Variants in CCNH observed in about 807,000 individuals in gnomAD.
CCNH encodes the protein cyclin-H.
In CCNH, 31 loss-of-function variants were observed where a neutral mutation model predicts 41.9. That is an observed-to-expected ratio of 0.74 (90% CI 0.56 to 1.00). CCNH has a LOEUF of 1.00. CCNH is among the 50% of genes least tolerant of loss of function. CCNH has a pLI of 0.00. For missense variants in CCNH, 362 were observed against 388.4 expected (o/e 0.93, Z 0.57); for synonymous variants, 138 against 136.1 (o/e 1.01, Z -0.10).
At chr5:87,349,127 T>C in intron 9 of CCNH, 1 of 1,469,172 alleles carries the variant, frequency 6.8e-7, no homozygotes, top group Non-Finnish European at 9.4e-7. Flanking sequence ...TGTTTATGAC[T>C]TTGAATGCAC....
At chr5:87,400,245 T>G (rs1328223216) in intron 6 of CCNH, among the ~76,000 whole-genome samples, 1 of 152,216 alleles carries the variant, frequency 6.6e-6, no homozygotes, top group Admixed American at 6.5e-5. Context: ...CAAAGCAGTA[T>G]TTTTAACTGA....
Position 87,376,410 on chromosome 5 carries a change from T to C in CCNH, n.771A>G, listed in dbSNP as rs905211143. 2 of 1,613,898 alleles carry C rather than the reference T, an allele frequency of 1.2e-6. No individual in the cohort carries two copies. The highest frequency in any genetic ancestry group is 2.7e-5 in the African/African-American group (2 of 74,942). ...TTCCCAAGTATTTATGCGCTGCCAGTTGAGCCGATTACAGAAAGGGCATGC... is the reference window on the plus strand; with the variant it reads ...TTCCCAAGTATTTATGCGCTGCCAGCTGAGCCGATTACAGAAAGGGCATGC... On this transcript the variant is annotated non_coding_transcript_exon_variant, in exon 1 of 1. Transcript: ENST00000607486.
chr5:87,395,541 A>C (rs1762891007), intron 7 of CCNH, among the ~76,000 whole-genome samples: 1 of 152,164 alleles, frequency 6.6e-6, no homozygotes, highest in African/African-American at 2.4e-5. Context: ...GTGTGATAAG[A>C]AGTGTTTCAA....
chr5:87,390,078 T>TA (rs1382273715), downstream of CCNH, among the ~76,000 whole-genome samples: 1 of 152,204 alleles, frequency 6.6e-6, no homozygotes, highest in Non-Finnish European at 1.5e-5. Context: ...ACTACATTGA[T>TA]AGACTTCTAT....
chr5:87,396,417 T>A (rs1482762102), intron 7 of CCNH, among the ~76,000 whole-genome samples: 1 of 152,094 alleles, frequency 6.6e-6, no homozygotes, highest in African/African-American at 2.4e-5. Context: ...GTCAGGAGCT[T>A]GAGACCATCC....
chr5:87,342,520 C>T (rs947920071), intron 9 of CCNH, among the ~76,000 whole-genome samples: 6 of 152,082 alleles, frequency 3.9e-5, no homozygotes, highest in African/African-American at 1.4e-4. Flanking sequence ...GCAAGTGAAG[C>T]GGGTCAAGTA....
At chr5:87,348,265 T>C (rs1485657695) in intron 9 of CCNH, among the ~76,000 whole-genome samples, 2 of 152,044 alleles carry the variant, frequency 1.3e-5, no homozygotes, top group African/African-American at 4.8e-5. Context: ...CATAAGTGCC[T>C]TGATTGGATG....
intron 3 of CCNH, among the ~76,000 whole-genome samples, chr5:87,408,829 T>C (rs1454768956): frequency 6.6e-6 from 1 of 152,198 alleles, no homozygotes; most frequent in East Asian, 1.9e-4. Context: ...GCAAACTCTT[T>C]GATGAGTTTC....
At chr5:87,316,501 C>G (rs567620103), downstream of CCNH, among the ~76,000 whole-genome samples, 3 of 152,332 alleles carry the variant, frequency 2.0e-5, no homozygotes, top group East Asian at 5.8e-4. Flanking sequence ...TTCTACCTCT[C>G]TCCCTCAAAT....
intron 5 of CCNH, among the ~76,000 whole-genome samples, chr5:87,402,374 C>A (rs894578267): frequency 1.3e-5 from 2 of 152,140 alleles, no homozygotes; most frequent in African/African-American, 2.4e-5. Context: ...ACCCAAATTA[C>A]CTGTTTTTCT....
chr5:87,398,160 G>A (rs1388274806), intron 7 of CCNH, among the ~76,000 whole-genome samples: 1 of 152,166 alleles, frequency 6.6e-6, no homozygotes, highest in Non-Finnish European at 1.5e-5. Flanking sequence ...CCAATTTCAA[G>A]TTCTATGCTA....
chr5:87,411,945 T>G (rs947698436), intron 1 of CCNH, among the ~76,000 whole-genome samples: 2 of 152,078 alleles, frequency 1.3e-5, no homozygotes, highest in Non-Finnish European at 2.9e-5. Context: ...GCAGGAAAGA[T>G]TAAACCAGTC....
chr5:87,355,693 G>T (rs933954900), intron 9 of CCNH, among the ~76,000 whole-genome samples: 1 of 152,214 alleles, frequency 6.6e-6, no homozygotes, highest in Non-Finnish European at 1.5e-5. Flanking sequence ...GCAAAAAATA[G>T]TGACTTATGG....
chr5:87,363,617 C>A, intron 9 of CCNH: 1 of 1,210,650 alleles, frequency 8.3e-7, no homozygotes, highest in Non-Finnish European at 1.2e-6. Context: ...GTAGCAGATG[C>A]ACTTTCTAGG....
intron 7 of CCNH, among the ~76,000 whole-genome samples, chr5:87,396,355 C>G (rs1338303144): frequency 2.6e-5 from 4 of 152,228 alleles, no homozygotes; most frequent in South Asian, 2.1e-4. Flanking sequence ...GGTGCAGTGG[C>G]TCACGCCTGT....
At chr5:87,320,390 A>T (rs1756697571) in intron 9 of CCNH, among the ~76,000 whole-genome samples, 1 of 152,208 alleles carries the variant, frequency 6.6e-6, no homozygotes, top group Non-Finnish European at 1.5e-5. Context: ...TGCTACAAAG[A>T]ACTACCTGAG....
chr5:87,395,995 T>C (rs3093847), intron 7 of CCNH, among the ~76,000 whole-genome samples: 4,848 of 152,164 alleles, frequency 0.032, 161 homozygotes, highest in African/African-American at 0.074. Context: ...CAGCCTTCTG[T>C]ATCCTGTGGG....
chr5:87,353,040 T>C (rs541281294), intron 9 of CCNH: 12 of 716,232 alleles, frequency 1.7e-5, no homozygotes, highest in South Asian at 1.6e-4. Context: ...ATTTGTGTTA[T>C]GTGCTTTGAA....
At chr5:87,351,695 T>C (rs1054801395) in intron 9 of CCNH, among the ~76,000 whole-genome samples, 6 of 151,754 alleles carry the variant, frequency 4.0e-5, no homozygotes, top group Non-Finnish European at 5.9e-5. Context: ...GACTGTTTAT[T>C]TCGGTGTTTC....
Sources: allele counts gnomAD v4.1 joint callset (sites outside exome capture counted in the v4.1 genomes callset), GRCh38; gene constraint gnomAD v4.1.1; transcripts MANE v1.5; gene names NCBI Gene and HGNC (gene_info 2026-07-23, HGNC 2026-07-21).